The following SLC25A48 variants were observed in gnomAD, a reference collection of about 807,000 sequenced individuals.
SLC25A48 encodes the protein CTC-321K16.1.
SLC25A48 carries 29 observed loss-of-function variants against 32.2 expected under a neutral mutation model. The ratio of observed to expected loss-of-function variants is 0.90; its 90% CI spans 0.67 to 1.23. SLC25A48 has a LOEUF of 1.23. Among genes scored for constraint, SLC25A48 ranks in the 50% most tolerant of loss-of-function variants. The pLI, the probability that SLC25A48 is intolerant of heterozygous loss-of-function variation, is 0.00. For missense variants in SLC25A48, 399 were observed against 422.7 expected (o/e 0.94, Z 0.49); for synonymous variants, 164 against 172.3 (o/e 0.95, Z 0.38).
intron 7 of SLC25A48, chr5:135,882,912 A>G (rs1314061259): frequency 3.6e-6 from 1 of 274,398 alleles, no homozygotes; most frequent in Non-Finnish European, 5.6e-6. Flanking sequence ...ATTTTCAAAT[A>G]GCCCCGGCAA....
intron 2 of SLC25A48, among the ~76,000 whole-genome samples, chr5:135,631,089 G>C (rs971117558): frequency 6.6e-6 from 1 of 152,154 alleles, no homozygotes; most frequent in African/African-American, 2.4e-5. Context: ...AGAAAGCCTC[G>C]AGTTAGATGC....
In SLC25A48 at chr5:135,714,114, T is replaced by C. The variant is rs188695702; in HGVS notation, c.-521+79158T>C. On this transcript the variant is annotated intron_variant, in intron 3 of 10. Coordinates refer to the SLC25A48 transcript ENST00000646290. The stretch of plus-strand genomic sequence containing the variant: ...CACCCCTACCATTCCCTGGGGGCGC[T>C]GGGCTCCAGCTATCCACCTGGAGCT... 2.6e-3 allele frequency among the ~76,000 whole-genome samples: 392 copies of C among 152,272 alleles called. 4 individuals are homozygous for C. Among genetic ancestry groups the C allele is most frequent in the African/African-American group, 9.0e-3 (373 of 41,562 alleles).
In SLC25A48 at chr5:135,718,290, T is replaced by G. The variant is rs1461600571; in HGVS notation, c.-521+83334T>G. 2.0e-5 allele frequency among the ~76,000 whole-genome samples: 3 copies of G among 152,154 alleles called. No individual in the cohort carries two copies. The East Asian group carries it at 5.8e-4, about 29-fold the overall frequency. On this transcript the variant is annotated intron_variant, in intron 3 of 10. Transcript: ENST00000646290. ...GAAACTTTGCTGCCTCTATCCTTGA[T>G]GAAAAGTAATAGCCGGGCACTAGGC...
At chr5:135,703,441 G>A (rs1406032153) in intron 3 of SLC25A48, among the ~76,000 whole-genome samples, 2 of 152,166 alleles carry the variant, frequency 1.3e-5, no homozygotes, top group African/African-American at 4.8e-5. Context: ...CCATACACTT[G>A]CTTAGTCTGC....
intron 3 of SLC25A48, among the ~76,000 whole-genome samples, chr5:135,651,796 T>C (rs1561775713): frequency 2.6e-5 from 4 of 152,162 alleles, no homozygotes; most frequent in Non-Finnish European, 4.4e-5. Context: ...AAATGAAAGA[T>C]AGAAGTATGG....
chr5:135,804,509 C>T (rs1561501599), intron 3 of SLC25A48, among the ~76,000 whole-genome samples: 1 of 151,560 alleles, frequency 6.6e-6, no homozygotes, highest in East Asian at 1.9e-4. Flanking sequence ...AGGGTGTACA[C>T]CCTGTGTGTG....
intron 3 of SLC25A48, among the ~76,000 whole-genome samples, chr5:135,753,531 C>T (rs924057629): frequency 2.6e-5 from 4 of 151,850 alleles, no homozygotes; most frequent in African/African-American, 9.7e-5. Flanking sequence ...AGCCTAATAT[C>T]GTGGGGTGTA....
intron 3 of SLC25A48, among the ~76,000 whole-genome samples, chr5:135,783,685 C>T (rs1457387638): frequency 7.6e-5 from 9 of 117,950 alleles, no homozygotes; most frequent in African/African-American, 2.3e-4. Context: ...AGATATTACT[C>T]CCAATATCGA....
chr5:135,604,200 T>C (rs1442559850), intron 1 of SLC25A48, among the ~76,000 whole-genome samples: 1 of 152,196 alleles, frequency 6.6e-6, no homozygotes, highest in Admixed American at 6.5e-5. Flanking sequence ...AATCTGTTCT[T>C]TCCATCCTTG....
At chr5:135,848,103 C>G (rs189590074) in intron 2 of SLC25A48, among the ~76,000 whole-genome samples, 109 of 152,306 alleles carry the variant, frequency 7.2e-4, no homozygotes, top group African/African-American at 2.5e-3. Context: ...GGCCTCAGTG[C>G]CAGCCTACCC....
At chr5:135,582,243 G>C (rs1411794172) in intron 1 of SLC25A48, among the ~76,000 whole-genome samples, 3 of 152,194 alleles carry the variant, frequency 2.0e-5, no homozygotes, top group African/African-American at 7.2e-5. Context: ...AGCACCCACT[G>C]TGTCCCAGGC....
At chr5:135,708,334 A>C (rs925897981) in intron 3 of SLC25A48, among the ~76,000 whole-genome samples, 1 of 152,134 alleles carries the variant, frequency 6.6e-6, no homozygotes, top group Non-Finnish European at 1.5e-5. Context: ...ATCTATGAGC[A>C]CCTCTTTCAT....
chr5:135,809,603 C>T (rs548363139), intron 3 of SLC25A48, among the ~76,000 whole-genome samples: 1 of 152,264 alleles, frequency 6.6e-6, no homozygotes, highest in South Asian at 2.1e-4. Context: ...CTGTCTCTCC[C>T]CTCCCAATTT....
At chr5:135,830,380 T>C (rs1470543530), upstream of SLC25A48, among the ~76,000 whole-genome samples, 3 of 152,018 alleles carry the variant, frequency 2.0e-5, no homozygotes. Context: ...GTCCTTACCT[T>C]CCAAAAAATA....
intron 3 of SLC25A48, among the ~76,000 whole-genome samples, chr5:135,644,913 C>A (rs801566): frequency 1.3e-5 from 2 of 152,130 alleles, no homozygotes; most frequent in South Asian, 4.2e-4. Context: ...CTGGGCTTAC[C>A]TACAGTGGAA....
At chr5:135,793,682 T>C (rs536915380) in intron 3 of SLC25A48, among the ~76,000 whole-genome samples, 3 of 151,562 alleles carry the variant, frequency 2.0e-5, no homozygotes, top group Admixed American at 1.3e-4. Context: ...ACATCCTGGG[T>C]TTATTATTTG....
At chr5:135,835,062 T>C in intron 1 of SLC25A48, 169 bp downstream of exon 1, 1 of 797,470 alleles carries the variant, frequency 1.3e-6, no homozygotes, top group Non-Finnish European at 2.2e-6. Context: ...GGTCTTGCAG[T>C]TGCCAGGGCT....
chr5:135,746,573 G>A (rs914726284), intron 3 of SLC25A48, among the ~76,000 whole-genome samples: 1 of 152,160 alleles, frequency 6.6e-6, no homozygotes, highest in Non-Finnish European at 1.5e-5. Flanking sequence ...CTGTGGGCAC[G>A]CGTGAACCTT....
chr5:135,806,220 C>T (rs555510884), intron 3 of SLC25A48, among the ~76,000 whole-genome samples: 9 of 151,548 alleles, frequency 5.9e-5, no homozygotes, highest in African/African-American at 1.9e-4. Context: ...GATATTATTC[C>T]TAATATTCCA....
Sources: allele counts gnomAD v4.1 joint callset (sites outside exome capture counted in the v4.1 genomes callset), GRCh38; gene constraint gnomAD v4.1.1; transcripts MANE v1.5; gene names NCBI Gene and HGNC (gene_info 2026-07-23, HGNC 2026-07-21).